Variants in THRB observed in about 807,000 individuals in gnomAD.
THRB encodes the protein thyroid hormone receptor beta.
Under a neutral mutation model 47.8 loss-of-function variants are expected in THRB, and 12 were observed. The observed-to-expected ratio is 0.25, with a 90% CI of 0.16 to 0.41. The LOEUF is 0.41. THRB is among the 10% of genes least tolerant of loss of function. The probability of loss-of-function intolerance (pLI) is 1.00; values close to 1 mark genes in which losing one functional copy is unlikely to be tolerated. For missense variants in THRB, 348 were observed against 589.2 expected (o/e 0.59, Z 4.24); for synonymous variants, 218 against 212.2 (o/e 1.03, Z -0.24).
At chr3:24,318,418 C>T (rs2058267919) in intron 2 of THRB, 1 of 152,288 alleles carries the variant, frequency 6.6e-6, no homozygotes, top group Non-Finnish European at 1.5e-5. Context: ...TTGTAACACT[C>T]ACTCAGGTGT....
At chr3:24,247,361 A>G (rs183907855) in intron 3 of THRB, among the ~76,000 whole-genome samples, 1 of 152,284 alleles carries the variant, frequency 6.6e-6, no homozygotes, top group Admixed American at 6.5e-5. Context: ...AGTTCTAGGG[A>G]ACCTGCTAAG....
chr3:24,133,634 T>C (rs899410005), intron 8 of THRB, among the ~76,000 whole-genome samples, 172 bp from the exon 9 acceptor site: 1 of 152,190 alleles, frequency 6.6e-6, no homozygotes, highest in Non-Finnish European at 1.5e-5. Context: ...TAAAGATATA[T>C]GTTTTGGCCA....
intron 8 of THRB, among the ~76,000 whole-genome samples, chr3:24,139,375 T>TC (rs753446037): frequency 1.5e-4 from 20 of 133,490 alleles, no homozygotes; most frequent in Admixed American, 6.9e-4. Context: ...TCTTTCTTTC[T>TC]TTTTCTTTTC....
rs575520512 is a variant in THRB at position 24,288,861 on chromosome 3, T to C, written c.-43+8365A>G. On this transcript the variant is annotated intron_variant, in intron 3 of 10. Coordinates refer to ENST00000646209, the MANE Select transcript of THRB (RefSeq NM_001354712.2). ...AGGATTGTTTTGTGAAACTTTTGTT[T>C]GATTTACAAACACACACCATTTGTA... Among the ~76,000 whole-genome samples the C allele has an allele frequency of 2.0e-5, 3 of 152,374 alleles. No homozygotes were observed. In the South Asian group the frequency reaches 6.2e-4, roughly 32 times the overall value.
intron 3 of THRB, among the ~76,000 whole-genome samples, chr3:24,266,560 G>A (rs2052670868): frequency 6.6e-6 from 1 of 152,160 alleles, no homozygotes; most frequent in Non-Finnish European, 1.5e-5. Context: ...ACCCAAATTA[G>A]TGAAAGAGCT....
chr3:24,137,053 A>G (rs1479889865), intron 8 of THRB, among the ~76,000 whole-genome samples: 2 of 152,194 alleles, frequency 1.3e-5, no homozygotes, highest in Admixed American at 6.5e-5. Flanking sequence ...ACCTCATTCA[A>G]ACACACATGG....
At chr3:24,344,443 A>G (rs1341933017) in intron 1 of THRB, among the ~76,000 whole-genome samples, 1 of 152,102 alleles carries the variant, frequency 6.6e-6, no homozygotes, top group Admixed American at 6.6e-5. Flanking sequence ...CAACAAGAAA[A>G]TTACTACTCT....
chr3:24,275,005 A>G (rs2053758368), intron 3 of THRB, among the ~76,000 whole-genome samples: 1 of 152,092 alleles, frequency 6.6e-6, no homozygotes, highest in African/African-American at 2.4e-5. Flanking sequence ...CTATCCATCT[A>G]CTCATCGATT....
intron 1 of THRB, among the ~76,000 whole-genome samples, chr3:24,369,284 A>C (rs953691762): frequency 2.0e-5 from 3 of 152,172 alleles, no homozygotes; most frequent in African/African-American, 7.2e-5. Context: ...TTTTCATGCT[A>C]CGTTGAATTC....
chr3:24,145,159 C>T (rs2035930400), intron 7 of THRB, among the ~76,000 whole-genome samples: 1 of 151,538 alleles, frequency 6.6e-6, no homozygotes, highest in Non-Finnish European at 1.5e-5. Flanking sequence ...TCCGGTGTGC[C>T]AGGGACTGTT....
intron 1 of THRB, among the ~76,000 whole-genome samples, chr3:24,351,916 C>T (rs1006604877): frequency 2.0e-5 from 3 of 152,128 alleles, no homozygotes; most frequent in Admixed American, 6.5e-5. Context: ...CTTGCATTTC[C>T]GACAGATGGG....
chr3:24,439,323 C>A (rs1018499527), intron 1 of THRB, among the ~76,000 whole-genome samples: 2 of 152,130 alleles, frequency 1.3e-5, no homozygotes, highest in Admixed American at 6.5e-5. Flanking sequence ...GGGTGGGGCA[C>A]TAACAGCATC....
chr3:24,132,351 AAAG>A (rs753732670), intron 9 of THRB, among the ~76,000 whole-genome samples: 3 of 152,334 alleles, frequency 2.0e-5, no homozygotes, highest in Admixed American at 6.5e-5. Context: ...TTTGATTAAA[AAAG>A]AAGAAGGTTA....
intron 10 of THRB, among the ~76,000 whole-genome samples, chr3:24,127,249 G>T (rs774349183): frequency 6.6e-6 from 1 of 152,136 alleles, no homozygotes; most frequent in East Asian, 1.9e-4. Flanking sequence ...CACCAAAGGC[G>T]GATCACTTCG....
chr3:24,232,211 T>C (rs1371216045), intron 3 of THRB, among the ~76,000 whole-genome samples: 2 of 152,188 alleles, frequency 1.3e-5, no homozygotes, highest in African/African-American at 4.8e-5. Flanking sequence ...GTAGAGAATA[T>C]CCCTTTGACA....
At chr3:24,349,396 A>G (rs2149523556) in intron 1 of THRB, among the ~76,000 whole-genome samples, 1 of 152,254 alleles carries the variant, frequency 6.6e-6, no homozygotes, top group East Asian at 1.9e-4. Flanking sequence ...AGCCAAGAAT[A>G]ATCAAGGCAA....
chr3:24,364,394 G>C (rs1190374817), intron 1 of THRB, among the ~76,000 whole-genome samples: 1 of 152,150 alleles, frequency 6.6e-6, no homozygotes, highest in African/African-American at 2.4e-5. Context: ...TCTACTATAT[G>C]TCAGGCACTT....
chr3:24,464,393 A>T (rs991539062), intron 1 of THRB, among the ~76,000 whole-genome samples: 1 of 152,200 alleles, frequency 6.6e-6, no homozygotes, highest in African/African-American at 2.4e-5. Flanking sequence ...TCTTTCTAAG[A>T]TCTTGACTTA....
chr3:24,224,686 A>T (rs73037699), intron 4 of THRB, among the ~76,000 whole-genome samples: 15,602 of 152,268 alleles, frequency 0.1, 845 homozygotes, highest in Non-Finnish European at 0.13. Flanking sequence ...GACAGTCTCA[A>T]AACACAAAAT....
Sources: allele counts gnomAD v4.1 joint callset (sites outside exome capture counted in the v4.1 genomes callset), GRCh38; gene constraint gnomAD v4.1.1; transcripts MANE v1.5; gene names NCBI Gene and HGNC (gene_info 2026-07-23, HGNC 2026-07-21).